Variants in ENTPD1 observed in about 807,000 individuals in gnomAD.
The protein encoded by ENTPD1 is ATP diphosphohydrolase.
Under a neutral mutation model 57.0 loss-of-function variants are expected in ENTPD1, and 33 were observed. That is an observed-to-expected ratio of 0.58 (90% CI 0.44 to 0.77). The LOEUF is 0.77. Among genes scored for constraint, ENTPD1 ranks in the 30% least tolerant of loss-of-function variants. The probability of loss-of-function intolerance (pLI) is 0.00; values close to 1 mark genes in which losing one functional copy is unlikely to be tolerated. For synonymous variants in ENTPD1, 202 were observed against 218.8 expected (o/e 0.92, Z 0.68); for missense variants, 501 against 603.4 (o/e 0.83, Z 1.78).
At chr10:95,739,176 A>G (rs1385008618) in intron 1 of ENTPD1, among the ~76,000 whole-genome samples, 1 of 152,186 alleles carries the variant, frequency 6.6e-6, no homozygotes, top group Non-Finnish European at 1.5e-5. Flanking sequence ...TTTTACCTCT[A>G]TGTTAATAGC....
At chr10:95,752,995 T>C (rs1039542320), upstream of ENTPD1, among the ~76,000 whole-genome samples, 1 of 152,280 alleles carries the variant, frequency 6.6e-6, no homozygotes, top group Admixed American at 6.5e-5. Flanking sequence ...TTTATATGCA[T>C]AGGGGGATGA....
intron 1 of ENTPD1, among the ~76,000 whole-genome samples, chr10:95,780,710 G>A (rs1413838177): frequency 6.6e-6 from 1 of 152,236 alleles, no homozygotes; most frequent in Non-Finnish European, 1.5e-5. Context: ...GGTCATGACT[G>A]TATTCAAGGG....
intron 2 of ENTPD1, among the ~76,000 whole-genome samples, chr10:95,836,094 T>C (rs928167870): frequency 2.0e-5 from 3 of 152,226 alleles, no homozygotes; most frequent in Admixed American, 2.0e-4. Flanking sequence ...CCTTTTCCCA[T>C]TGTTTATTTT....
chr10:95,828,143 C>A (rs2098384176), intron 2 of ENTPD1, among the ~76,000 whole-genome samples: 1 of 152,208 alleles, frequency 6.6e-6, no homozygotes, highest in South Asian at 2.1e-4. Context: ...TCTGTATTTA[C>A]AGTTGCTCCC....
chr10:95,736,598 A>G (rs1451474329), intron 1 of ENTPD1, among the ~76,000 whole-genome samples: 1 of 152,100 alleles, frequency 6.6e-6, no homozygotes, highest in Non-Finnish European at 1.5e-5. Flanking sequence ...AAAATGTAGC[A>G]ATGATGGTTG....
intron 1 of ENTPD1, among the ~76,000 whole-genome samples, chr10:95,816,467 AT>A (rs1425041952): frequency 2.0e-5 from 3 of 152,190 alleles, no homozygotes; most frequent in Non-Finnish European, 4.4e-5. Context: ...CAGAGATGTA[AT>A]TAAGCTAAGG....
chr10:95,706,991 G>A (rs555831951), upstream of ENTPD1, among the ~76,000 whole-genome samples: 3 of 152,224 alleles, frequency 2.0e-5, no homozygotes, highest in Non-Finnish European at 4.4e-5. Context: ...AGCCTGCAGG[G>A]ACTGAGGGGG....
upstream of ENTPD1, among the ~76,000 whole-genome samples, chr10:95,752,254 G>A (rs77055631): frequency 0.021 from 3,210 of 152,236 alleles, 58 homozygotes; most frequent in Non-Finnish European, 0.034. Flanking sequence ...AGAGAATGGA[G>A]GTGATGAAGG....
chr10:95,770,923 CAA>C (rs1445853498), intron 1 of ENTPD1, among the ~76,000 whole-genome samples: 5 of 151,948 alleles, frequency 3.3e-5, no homozygotes, highest in South Asian at 4.1e-4. Context: ...AAAAATAATA[CAA>C]GTTTATAACA....
At chr10:95,842,599 T>C (rs918781145) in intron 4 of ENTPD1, 105 bp downstream of exon 4, 1 of 1,303,998 alleles carries the variant, frequency 7.7e-7, no homozygotes, top group Admixed American at 2.3e-5. Context: ...CCCCAAGTTC[T>C]ACACACCCAA....
At chr10:95,721,208 T>C (rs901276470) in intron 1 of ENTPD1, among the ~76,000 whole-genome samples, 2 of 152,214 alleles carry the variant, frequency 1.3e-5, no homozygotes, top group Admixed American at 6.5e-5. Context: ...GTGGACATCA[T>C]TGAATAATTT....
At chr10:95,808,720 CTT>C (rs60603484) in intron 1 of ENTPD1, among the ~76,000 whole-genome samples, 1 of 143,868 alleles carries the variant, frequency 7.0e-6, no homozygotes, top group African/African-American at 2.6e-5. Flanking sequence ...ATTTTAGTTG[CTT>C]TTTTTTTTTT....
intron 1 of ENTPD1, among the ~76,000 whole-genome samples, chr10:95,758,002 C>CAAAAAAAAAAAAAAAAAAAAAAAAAA (rs57407553): frequency 8.0e-4 from 21 of 26,412 alleles, no homozygotes; most frequent in South Asian, 2.6e-3. Flanking sequence ...GACACTGTCT[C>CAAAAAAAAAAAAAAAAAAAAAAAAAA]AAAAAAAAAA....
chr10:95,768,506 T>C (rs72813789), intron 1 of ENTPD1, among the ~76,000 whole-genome samples: 8 of 148,544 alleles, frequency 5.4e-5, no homozygotes, highest in South Asian at 4.3e-4. Flanking sequence ...TTTTCTTTCT[T>C]TCTCTCTCTC....
chr10:95,845,265 T>C, intron 5 of ENTPD1, 92 bp from the exon 6 acceptor site: 1 of 1,586,812 alleles, frequency 6.3e-7, no homozygotes, highest in Non-Finnish European at 8.6e-7. Flanking sequence ...TGCCCCTGTT[T>C]CTTTGCCTTA....
the ENTPD1 span, among the ~76,000 whole-genome samples, chr10:95,695,964 C>T: frequency 6.6e-6 from 1 of 152,052 alleles, no homozygotes; most frequent in Non-Finnish European, 1.5e-5. Flanking sequence ...AATGATCTTT[C>T]TATAAAATTT....
At position 95,826,072 on chromosome 10, in the gene ENTPD1, A is replaced by G. The variant is rs147248242; in HGVS notation, c.144+2708A>G. Among the ~76,000 whole-genome samples the G allele has an allele frequency of 3.3e-3, 503 of 152,362 alleles. 2 individuals carry two copies. Among genetic ancestry groups the G allele is most frequent in the African/African-American group, 0.011 (476 of 41,580 alleles). On this transcript the variant is annotated intron_variant, in intron 2 of 9. Coordinates refer to ENST00000371205, the MANE Select transcript of ENTPD1 (RefSeq NM_001776.6). ...TTGTCTGTGTTAGGCACTGGGCTAC[A>G]CAATAGGGAAGGCAGTATATAGATA...
chr10:95,784,276 T>C (rs1362090840), intron 1 of ENTPD1, among the ~76,000 whole-genome samples: 1 of 152,142 alleles, frequency 6.6e-6, no homozygotes, highest in Non-Finnish European at 1.5e-5. Flanking sequence ...CATCTAATGA[T>C]GTAGCACCAG....
At chr10:95,752,647 A>G (rs1431017154), upstream of ENTPD1, among the ~76,000 whole-genome samples, 1 of 152,184 alleles carries the variant, frequency 6.6e-6, no homozygotes, top group Non-Finnish European at 1.5e-5. Flanking sequence ...CCTGGGCAAT[A>G]AGAGCGAAAC....
Sources: allele counts gnomAD v4.1 joint callset (sites outside exome capture counted in the v4.1 genomes callset), GRCh38; gene constraint gnomAD v4.1.1; transcripts MANE v1.5; gene names NCBI Gene and HGNC (gene_info 2026-07-23, HGNC 2026-07-21).